PLXNC1: variants seen among roughly 807,000 people sequenced by gnomAD.
The protein encoded by PLXNC1 is plexin C1, also known as plexin-C1.
PLXNC1 carries 75 observed loss-of-function variants against 178.2 expected under a neutral mutation model. That is an observed-to-expected ratio of 0.42 (90% confidence interval 0.35 to 0.51). The LOEUF (loss-of-function observed/expected upper bound fraction) is 0.51. Among genes scored for constraint, PLXNC1 ranks in the 20% least tolerant of loss-of-function variants. The probability of loss-of-function intolerance (pLI) is 0.02; values close to 1 mark genes in which losing one functional copy is unlikely to be tolerated. For synonymous variants in PLXNC1, 790 were observed against 779.9 expected (o/e 1.01, Z -0.22); for missense variants, 1,503 against 1,984.4 (o/e 0.76, Z 4.61).
At chr12:94,194,016 T>C (rs1308715593) in intron 4 of PLXNC1, among the ~76,000 whole-genome samples, 2 of 152,178 alleles carry the variant, frequency 1.3e-5, no homozygotes, top group African/African-American at 2.4e-5. Flanking sequence ...TTCTGCTGGC[T>C]GTACAGGAAG....
chr12:94,160,627 T>G (rs1303691871), intron 1 of PLXNC1, among the ~76,000 whole-genome samples: 3 of 152,184 alleles, frequency 2.0e-5, no homozygotes, highest in African/African-American at 7.2e-5. Context: ...GGGAATAGCC[T>G]AGAGCAGCTG....
chr12:94,273,254 G>A (rs1287553935), intron 21 of PLXNC1, among the ~76,000 whole-genome samples: 1 of 152,140 alleles, frequency 6.6e-6, no homozygotes, highest in African/African-American at 2.4e-5. Flanking sequence ...CCTATGAATA[G>A]TACAGGGACT....
chr12:94,201,871 A>G (rs898345732), intron 4 of PLXNC1, among the ~76,000 whole-genome samples: 1 of 143,752 alleles, frequency 7.0e-6, no homozygotes, highest in African/African-American at 2.6e-5. Context: ...AGTTCAAGCA[A>G]TTCTCGTGCC....
At position 94,211,743 on chromosome 12, in the gene PLXNC1, C is replaced by G. The variant is rs565368309; in HGVS notation, c.1554+2039C>G. Among the ~76,000 whole-genome samples the G allele has an allele frequency of 1.7e-4, 26 of 152,336 alleles. No individual in the cohort carries two copies. In the East Asian group the frequency reaches 4.6e-3, roughly 27 times the overall value. On this transcript the variant is annotated intron_variant, in intron 5 of 30. Transcript: ENST00000258526. ...AAATAATCAGAGCAATTCCAGTTGT[C>G]CTGGAGGGATTTCTGTGAGGTTTTG...
intron 10 of PLXNC1, among the ~76,000 whole-genome samples, chr12:94,239,408 G>A (rs1964321507): frequency 6.6e-6 from 1 of 152,196 alleles, no homozygotes; most frequent in Admixed American, 6.5e-5. Context: ...ATTTCCTAGA[G>A]CTTTGCTCTG....
At chr12:94,180,372 A>G (rs1962261495) in intron 2 of PLXNC1, among the ~76,000 whole-genome samples, 1 of 152,186 alleles carries the variant, frequency 6.6e-6, no homozygotes, top group South Asian at 2.1e-4. Context: ...TTTCAGTGAC[A>G]CCTACCCTGA....
intron 21 of PLXNC1, chr12:94,278,286 C>A (rs937204719): frequency 5.7e-6 from 2 of 348,820 alleles, no homozygotes; most frequent in African/African-American, 4.3e-5. Context: ...GCATTAGAAT[C>A]TAAACTGCTA....
At chr12:94,268,160 A>C (rs1263463197) in intron 21 of PLXNC1, among the ~76,000 whole-genome samples, 1 of 152,216 alleles carries the variant, frequency 6.6e-6, no homozygotes, top group Non-Finnish European at 1.5e-5. Flanking sequence ...GAAGCACAGC[A>C]CCTCATATAG....
intron 21 of PLXNC1, among the ~76,000 whole-genome samples, chr12:94,272,622 C>T (rs1965643478): frequency 6.6e-6 from 1 of 152,176 alleles, no homozygotes. Flanking sequence ...TCGAAGACTT[C>T]CCACTGGGCA....
chr12:94,301,594 G>T (rs760564234), intron 28 of PLXNC1, among the ~76,000 whole-genome samples: 1 of 152,126 alleles, frequency 6.6e-6, no homozygotes, highest in Non-Finnish European at 1.5e-5. Flanking sequence ...AGCAAACTTC[G>T]AAAGAGATGT....
At chr12:94,173,295 C>T (rs1268167236) in intron 2 of PLXNC1, among the ~76,000 whole-genome samples, 3 of 152,114 alleles carry the variant, frequency 2.0e-5, no homozygotes, top group Non-Finnish European at 4.4e-5. Context: ...ACTCTGTTGC[C>T]CATAGAAAAT....
intron 2 of PLXNC1, among the ~76,000 whole-genome samples, chr12:94,179,699 C>T (rs993224882): frequency 2.2e-4 from 32 of 146,614 alleles, no homozygotes; most frequent in African/African-American, 7.9e-4. Flanking sequence ...CAAGATCGCA[C>T]CACTGCACTC....
chr12:94,265,279 T>A, intron 21 of PLXNC1, 54 bp downstream of exon 21: 1 of 1,529,090 alleles, frequency 6.5e-7, no homozygotes, highest in Non-Finnish European at 9.0e-7. Context: ...TGGCGGGGAA[T>A]TAGAGGGTGA....
At chr12:94,219,547 T>C (rs1963731920) in intron 5 of PLXNC1, among the ~76,000 whole-genome samples, 1 of 152,192 alleles carries the variant, frequency 6.6e-6, no homozygotes, top group Non-Finnish European at 1.5e-5. Context: ...AGAAACCCTG[T>C]ATTTGATTAC....
chr12:94,289,228 T>G (rs1419975598), intron 23 of PLXNC1, among the ~76,000 whole-genome samples: 1 of 152,174 alleles, frequency 6.6e-6, no homozygotes. Context: ...GACTTAAAGT[T>G]GTTGATATGG....
intron 23 of PLXNC1, among the ~76,000 whole-genome samples, 191 bp from the exon 24 acceptor site, chr12:94,294,295 G>A (rs150205403): frequency 6.6e-6 from 1 of 152,214 alleles, no homozygotes; most frequent in African/African-American, 2.4e-5. Flanking sequence ...GCCCCTTGAG[G>A]ACAGAGACAC....
chr12:94,149,097 G>A lies in PLXNC1; in HGVS notation c.126G>A (p.Ser42=). The part of the protein sequence containing the change: ...GRGADEPVWR[S]EQAIGAIAAS... ...GCGCGGACGAGCCCGTGTGGCGGTC[G>A]GAGCAAGCCATCGGAGCCATCGCGG... The change falls in exon 1 of 31, where the codon TCG becomes TCA. Residue 42 remains serine (S), a synonymous_variant. Transcript: ENST00000258526. The A allele has an allele frequency of 6.3e-7, 1 of 1,581,594 alleles. No individual in the cohort carries two copies.
chr12:94,258,119 T>C (rs1012856501), intron 17 of PLXNC1, among the ~76,000 whole-genome samples: 2 of 152,058 alleles, frequency 1.3e-5, no homozygotes, highest in Non-Finnish European at 2.9e-5. Flanking sequence ...AGAGCAAGAC[T>C]CCGTCTCAAA....
At chr12:94,261,949 C>G (rs1965000297) in intron 20 of PLXNC1, among the ~76,000 whole-genome samples, 1 of 152,178 alleles carries the variant, frequency 6.6e-6, no homozygotes, top group South Asian at 2.1e-4. Flanking sequence ...AATCTGCCTT[C>G]TTTTCTGTTT....
Sources: gnomAD v4.1 joint callset for allele counts (sites outside exome capture counted in the v4.1 genomes callset) on GRCh38, gnomAD v4.1.1 for gene constraint, MANE v1.5 for transcripts, NCBI Gene and HGNC (gene_info 2026-07-23, HGNC 2026-07-21) for gene names.